Variants in ABCA4 observed in about 807,000 individuals in gnomAD.
ABCA4 encodes retinal-specific phospholipid-transporting ATPase ABCA4.
A neutral mutation model predicts 263.7 loss-of-function variants in ABCA4; 196 were observed. That is an observed-to-expected ratio of 0.74 (90% CI 0.66 to 0.84). The LOEUF (loss-of-function observed/expected upper bound fraction) is 0.84, where lower values mean the gene tolerates loss of function less well. Among genes scored for constraint, ABCA4 ranks in the 40% least tolerant of loss-of-function variants. The pLI is 0.00. For missense variants in ABCA4, 2,792 were observed against 2,855.1 expected (o/e 0.98, Z 0.50); for synonymous variants, 1,133 against 1,094.2 (o/e 1.04, Z -0.70).
At position 94,078,706 on chromosome 1, in the gene ABCA4, C is replaced by T; in HGVS notation, c.1240G>A (p.Ala414Thr). The T allele has an allele frequency of 6.2e-7, 1 of 1,607,016 alleles. No homozygotes were observed. The highest frequency in any genetic ancestry group is 1.3e-5 in the African/African-American group (1 of 74,858). Residue 414 changes from alanine (A) to threonine (T), a missense_variant and splice_region_variant, in exon 10 of 50, where the codon GCC becomes ACC. Transcript: ENST00000370225. Reference protein sequence around the residue: ...SPAARRILKNANSTFEELEHV... With the variant: ...SPAARRILKNTNSTFEELEHV... ...TCCAGTTCTTCAAAAGTTGAGTTGGCCTAAAACCAGACAGAGATCAAGACA... is the reference window on the plus strand; with the variant it reads ...TCCAGTTCTTCAAAAGTTGAGTTGGTCTAAAACCAGACAGAGATCAAGACA...
At chr1:94,090,359 A>G (rs1299780602) in intron 6 of ABCA4, among the ~76,000 whole-genome samples, 1 of 140,330 alleles carries the variant, frequency 7.1e-6, no homozygotes, top group African/African-American at 2.9e-5. Context: ...GAGCCAATTA[A>G]AAAAAAAAAA....
chr1:93,997,017 T>C (rs1045969777), intron 48 of ABCA4, among the ~76,000 whole-genome samples: 1 of 152,184 alleles, frequency 6.6e-6, no homozygotes, highest in Non-Finnish European at 1.5e-5. Flanking sequence ...TAGTGTTTAA[T>C]GGGCACAGAT....
chr1:94,026,643 T>C lies in ABCA4; in HGVS notation c.4540-1595A>G, dbSNP rs980547362. ...CTGGCTGCGATAGCTTATGATAAATTGTTTTATAAAAGTTCTGCCCAATAA... is the reference window on the plus strand; with the variant it reads ...CTGGCTGCGATAGCTTATGATAAATCGTTTTATAAAAGTTCTGCCCAATAA... On this transcript the variant is annotated intron_variant, in intron 30 of 49. Transcript: ENST00000370225. Among the ~76,000 whole-genome samples the C allele has an allele frequency of 1.9e-4, 29 of 152,184 alleles. 1 individual carries two copies. The highest frequency in any genetic ancestry group is 6.3e-4 in the African/African-American group (26 of 41,428).
In ABCA4 at chr1:94,010,905, A is replaced by G. The variant is rs1038356365; in HGVS notation, c.5609T>C (p.Phe1870Ser). 1.2e-6 allele frequency: 2 copies of G among 1,613,988 alleles called. No homozygotes were observed. The highest frequency in any genetic ancestry group is 1.7e-6 in the Non-Finnish European group (2 of 1,180,018). The change falls in exon 40 of 50, where the codon TTC becomes TCC. Residue 1870 changes from phenylalanine (F) to serine (S), a missense_variant. By Grantham distance (155) the Phe-to-Ser change is radical. Coordinates refer to ENST00000370225, the MANE Select transcript of ABCA4 (RefSeq NM_000350.3). Reference protein sequence around the residue: ...RFGEEHSANPFHWDLIGKNLF... With the variant: ...RFGEEHSANPSHWDLIGKNLF... ...GTTCTTCCCAATCAGGTCCCAGTGG[A>G]ACGGATTTGCAGAGTGCTCCTCACC...
Position 94,077,791 on chromosome 1 carries a change from C to T in ABCA4, c.1453G>A (p.Gly485Ser), listed in dbSNP as rs142362763. ...TCGTCAGCCTGGCTTTCCCGAGGGC[C>T]CTTGTAGAGGAAGTTTAGGATGGCT... ...AEAILNFLYKGPRESQADDMA... is the reference protein window; with the variant it reads ...AEAILNFLYKSPRESQADDMA... Residue 485 changes from glycine (G) to serine (S), a missense_variant, in exon 11 of 50, where the codon GGC becomes AGC. Coordinates refer to ENST00000370225, the MANE Select transcript of ABCA4 (RefSeq NM_000350.3). The T allele has an allele frequency of 6.2e-7, 1 of 1,614,152 alleles. No individual in the cohort carries two copies. The highest frequency in any genetic ancestry group is 8.5e-7 in the Non-Finnish European group (1 of 1,180,020).
rs373990997 is a variant in ABCA4, at chr1:94,033,655, C to A, written c.3863-1612G>T. Among the ~76,000 whole-genome samples the A allele has an allele frequency of 7.2e-5, 11 of 152,244 alleles. No homozygotes were observed. In the East Asian group the frequency reaches 1.6e-3, roughly 21 times the overall value. On this transcript the variant is annotated intron_variant, in intron 26 of 49. Coordinates refer to ENST00000370225, the MANE Select transcript of ABCA4 (RefSeq NM_000350.3). ...GCTGCTTTCTTAACCCTCCTCAAGTCCCCCAGGACAAGGACAGTTGTAAAG... is the reference window on the plus strand; with the variant it reads ...GCTGCTTTCTTAACCCTCCTCAAGTACCCCAGGACAAGGACAGTTGTAAAG...
At chr1:94,003,427 A>G (rs1437401636) in intron 44 of ABCA4, among the ~76,000 whole-genome samples, 18 of 151,094 alleles carry the variant, frequency 1.2e-4, no homozygotes, top group Non-Finnish European at 2.7e-4. Context: ...TTCAGGTTAC[A>G]TATCTCCAAT....
rs900359047 is a variant in ABCA4 at position 94,053,048 on chromosome 1, G to A, written c.2588-1350C>T. ...TGGAGATAGGGTTATAAAAACTCTCGAACAACAAGATTTGGAGAGCTTTTG... is the reference window on the plus strand; with the variant it reads ...TGGAGATAGGGTTATAAAAACTCTCAAACAACAAGATTTGGAGAGCTTTTG... On this transcript the variant is annotated intron_variant, in intron 16 of 49. Coordinates refer to ENST00000370225, the MANE Select transcript of ABCA4 (RefSeq NM_000350.3). Among the ~76,000 whole-genome samples, 3 of 152,162 alleles carry A rather than the reference G, an allele frequency of 2.0e-5. 1 individual carries two copies. Among genetic ancestry groups the A allele is most frequent in the Admixed American group, 1.3e-4 (2 of 15,280 alleles).
In ABCA4 at chr1:94,111,511, C is replaced by T. The variant is rs1662603511; in HGVS notation, c.229G>A (p.Val77Met). 1 of 1,614,182 alleles carries T rather than the reference C, an allele frequency of 6.2e-7. No individual in the cohort carries two copies. Among genetic ancestry groups the T allele is most frequent in the African/African-American group, 1.3e-5 (1 of 75,056 alleles). ...LPWLQGIFCN[V>M]NNPCFQSPTP... ...GGGCTTTGAAAACAGGGATTGTTCA[C>T]ATTGCAGAAGATCCCCTGGAGCCAC... The change falls in exon 3 of 50, where the codon GTG becomes ATG. Residue 77 changes from valine (V) to methionine (M), a missense_variant. Physicochemically the swap from Val to Met is conservative, Grantham distance 21 (BLOSUM62 1). Transcript: ENST00000370225.
At chr1:94,080,406 A>T in intron 8 of ABCA4, 72 bp downstream of exon 8, 2 of 1,601,882 alleles carry the variant, frequency 1.2e-6, no homozygotes, top group Non-Finnish European at 8.5e-7. Context: ...GTTTGGTTTC[A>T]CCTAGAAGTG....
At chr1:94,095,215 A>G (rs1464390362) in intron 6 of ABCA4, among the ~76,000 whole-genome samples, 1 of 152,022 alleles carries the variant, frequency 6.6e-6, no homozygotes, top group Non-Finnish European at 1.5e-5. Flanking sequence ...TTTGAAGATG[A>G]CAACACTCAC....
chr1:94,010,162 A>G (rs555087192), intron 40 of ABCA4, among the ~76,000 whole-genome samples: 6 of 152,338 alleles, frequency 3.9e-5, no homozygotes, highest in African/African-American at 1.2e-4. Context: ...CTGCTTGGCA[A>G]TTCAGGCCCC....
intron 11 of ABCA4, among the ~76,000 whole-genome samples, chr1:94,074,272 C>A (rs368370048): frequency 7.7e-4 from 117 of 152,284 alleles, no homozygotes; most frequent in African/African-American, 2.7e-3. Context: ...GGAAAGGATT[C>A]CCTATTTAAT....
intron 4 of ABCA4, among the ~76,000 whole-genome samples, chr1:94,104,811 A>G (rs1211148506): frequency 6.6e-6 from 1 of 152,086 alleles, no homozygotes; most frequent in Non-Finnish European, 1.5e-5. Context: ...CTCTTCAAAA[A>G]CATAAATCCG....
chr1:94,095,154 G>T (rs1215169562), intron 6 of ABCA4, among the ~76,000 whole-genome samples: 2 of 152,212 alleles, frequency 1.3e-5, no homozygotes, highest in African/African-American at 4.8e-5. Flanking sequence ...GGGGATGGGT[G>T]GGATGGTGTG....
rs374851665 is a variant in ABCA4, at chr1:94,098,796, C to A, written c.766G>T (p.Val256Leu). ...ANVDFFKLFR[V>L]LPTLLDSRSQ... The stretch of plus-strand genomic sequence containing the variant: ...GAGCAGCCAAACCCCTCCCTTACCA[C>A]ACGGAAGAGCTTGAAGAAGTCCACG... Residue 256 changes from valine to leucine, a missense_variant and splice_region_variant, in exon 6 of 50, where the codon GTG becomes TTG. Transcript: ENST00000370225. 27 of 1,614,084 alleles carry A rather than the reference C, an allele frequency of 1.7e-5. No homozygotes were observed. The highest frequency in any genetic ancestry group is 1.6e-4 in the Middle Eastern group (1 of 6,084).
Position 94,077,821 on chromosome 1 carries a change from C to T in ABCA4, c.1423G>A (p.Ala475Thr). The T allele has an allele frequency of 1.2e-6, 2 of 1,614,220 alleles. No homozygotes were observed. The highest frequency in any genetic ancestry group is 1.7e-6 in the Non-Finnish European group (2 of 1,180,038). The change falls in exon 11 of 50, where the codon GCT (alanine) becomes ACT (threonine). Residue 475 changes from alanine (A) to threonine (T), a missense_variant. Coordinates refer to ENST00000370225, the MANE Select transcript of ABCA4 (RefSeq NM_000350.3). ...NRQLGEEGIT[A>T]EAILNFLYKG... Reference sequence around the variant, plus strand: ...TAGAGGAAGTTTAGGATGGCTTCAGCAGTAATACCTTCTTCACCAAGCTGC... The same window carrying T: ...TAGAGGAAGTTTAGGATGGCTTCAGTAGTAATACCTTCTTCACCAAGCTGC...
At chr1:94,085,530 T>G (rs1661805369) in intron 6 of ABCA4, among the ~76,000 whole-genome samples, 1 of 152,210 alleles carries the variant, frequency 6.6e-6, no homozygotes, top group Non-Finnish European at 1.5e-5. Flanking sequence ...GAAAAAGGAC[T>G]GGCCTTCTTG....
intron 11 of ABCA4, among the ~76,000 whole-genome samples, chr1:94,072,971 C>T (rs946858946): frequency 3.3e-5 from 5 of 152,094 alleles, no homozygotes; most frequent in East Asian, 1.9e-4. Flanking sequence ...GTGGTTAGGC[C>T]GCCCTCCTGG....
Sources: allele counts gnomAD v4.1 joint callset (sites outside exome capture counted in the v4.1 genomes callset), GRCh38; gene constraint gnomAD v4.1.1; transcripts MANE v1.5; gene names NCBI Gene and HGNC (gene_info 2026-07-23, HGNC 2026-07-21).